Variants in TOMM40 observed in about 807,000 individuals in gnomAD.
TOMM40 encodes mitochondrial import receptor subunit TOM40 homolog.
A neutral mutation model predicts 38.4 loss-of-function variants in TOMM40; 9 were observed. That is an observed-to-expected ratio of 0.23 (90% CI 0.14 to 0.41). TOMM40 has a LOEUF of 0.41. Among genes scored for constraint, TOMM40 ranks in the 10% least tolerant of loss-of-function variants. The pLI, the probability that TOMM40 is intolerant of heterozygous loss-of-function variation, is 1.00. For missense variants in TOMM40, 299 were observed against 486.5 expected (o/e 0.61, Z 3.63); for synonymous variants, 184 against 210.0 (o/e 0.88, Z 1.07).
chr19:44,891,473 C>T lies in TOMM40; in HGVS notation c.58C>T (p.Pro20Ser). Residue 20 changes from proline to serine, a missense_variant, in exon 1 of 9, where the codon CCG (proline) becomes TCG (serine). Pro to Ser is a moderately conservative substitution (Grantham distance 74). Transcript: ENST00000426677. The stretch of plus-strand genomic sequence containing the variant: ...CGCAGGGCCGCCACCGCCGCCTGCG[C>T]CGGCCCTCGTGGGGCTGCCGCCACC... ...PPAGPPPPPA[P>S]ALVGLPPPPP... 1 of 1,313,488 alleles carries T rather than the reference C, an allele frequency of 7.6e-7. No homozygotes were observed. Among genetic ancestry groups the T allele is most frequent in the Non-Finnish European group, 9.6e-7 (1 of 1,037,140 alleles). 81.4% of individuals were successfully genotyped at this position (1,313,488 alleles called of 1,614,324 possible).
At chr19:44,894,485 C>T (rs1969529384) in intron 5 of TOMM40, among the ~76,000 whole-genome samples, 1 of 152,292 alleles carries the variant, frequency 6.6e-6, no homozygotes, top group African/African-American at 2.4e-5. Flanking sequence ...TGGTCTTGAA[C>T]TCCTGACCTC....
intron 1 of TOMM40, 91 bp downstream of exon 1, chr19:44,891,780 C>T (rs1969471775): frequency 3.9e-6 from 5 of 1,275,962 alleles, no homozygotes; most frequent in East Asian, 6.3e-5. Flanking sequence ...TGGCGCGCAC[C>T]ATTGGAATTA....
In TOMM40 at chr19:44,900,769, G is replaced by C. The variant is rs760559217; in HGVS notation, c.683G>C (p.Cys228Ser). 2.0e-5 allele frequency: 33 copies of C among 1,613,144 alleles called. No individual in the cohort carries two copies. The highest frequency in any genetic ancestry group is 2.5e-5 in the Non-Finnish European group (30 of 1,179,952). The part of the protein sequence containing the change: ...VAHYLQSITP[C>S]LALGGELVYH... ...CACTACCTCCAGAGCATCACGCCTT[G>C]CCTGGCCCTGGGTGGAGAGCTGGTC... The change falls in exon 6 of 9, where the codon TGC (cysteine) becomes TCC (serine). Residue 228 changes from cysteine to serine, a missense_variant. Transcript: ENST00000426677.
chr19:44,891,900 A>T (rs1311930031), intron 1 of TOMM40, among the ~76,000 whole-genome samples: 1 of 152,202 alleles, frequency 6.6e-6, no homozygotes, highest in Non-Finnish European at 1.5e-5. Context: ...ATAGCAGTAG[A>T]GAAAAGCCTT....
intron 5 of TOMM40, among the ~76,000 whole-genome samples, chr19:44,899,017 AG>A (rs1969625512): frequency 6.7e-6 from 1 of 149,728 alleles, no homozygotes; most frequent in Admixed American, 6.6e-5. Flanking sequence ...CTGTAGTCCC[AG>A]CTACTCGGAG....
rs574346577 is a variant in TOMM40, at chr19:44,893,991, G to A, written c.568G>A (p.Val190Met). Reference protein sequence around the residue: ...TQQSKFVNWQVDGEYRGSDFT... With the variant: ...TQQSKFVNWQMDGEYRGSDFT... ...GCAGTCGAAGTTTGTGAACTGGCAG[G>A]TGGACGGGGAGTATCGGGGCTCTGA... The change falls in exon 5 of 9, where the codon GTG becomes ATG. Residue 190 changes from valine to methionine, a missense_variant. Physicochemically the swap from Val to Met is conservative, Grantham distance 21 (BLOSUM62 1). Transcript: ENST00000426677. The A allele has an allele frequency of 1.3e-6, 2 of 1,555,962 alleles. No homozygotes were observed. The highest frequency in any genetic ancestry group is 1.2e-5 in the South Asian group (1 of 82,254).
rs775394719 is a variant in TOMM40 at position 44,891,587 on chromosome 19, C to A, written c.172C>A (p.Pro58Thr). ...TACGAGTCGAAGTTCGGAACGGACC[C>A]CCGGGGCTGCAACCGCCAGCGCCTC... The part of the protein sequence containing the change: ...TSTSRSSERT[P>T]GAATASASGA... Residue 58 changes from proline to threonine, a missense_variant, in exon 1 of 9, where the codon CCC becomes ACC. Pro to Thr is a conservative substitution (Grantham distance 38). Transcript: ENST00000426677. 1 of 1,465,382 alleles carries A rather than the reference C, an allele frequency of 6.8e-7. No individual in the cohort carries two copies. Among genetic ancestry groups the A allele is most frequent in the Non-Finnish European group, 9.0e-7 (1 of 1,111,654 alleles). The allele number at this position is 1,465,382 out of a possible 1,614,324, so 90.8% of individuals were successfully genotyped here.
chr19:44,902,873 G>A (rs1358011169), intron 8 of TOMM40, 157 bp from the exon 9 acceptor site: 13 of 874,740 alleles, frequency 1.5e-5, no homozygotes, highest in East Asian at 2.9e-5. Flanking sequence ...TTGCTCCAGC[G>A]TGAAGTTGTT....
intron 3 of TOMM40, 59 bp downstream of exon 3, chr19:44,892,988 T>A: frequency 6.9e-7 from 1 of 1,454,304 alleles, no homozygotes; most frequent in Non-Finnish European, 9.5e-7. Context: ...TGTAGCCAAA[T>A]GTCAAGCTAA....
intron 5 of TOMM40, among the ~76,000 whole-genome samples, chr19:44,899,689 C>T (rs964146995): frequency 1.3e-5 from 2 of 149,092 alleles, no homozygotes; most frequent in Non-Finnish European, 3.0e-5. Flanking sequence ...GATGGGGTCT[C>T]ACTATGTCAC....
chr19:44,901,112 G>C lies in TOMM40; in HGVS notation c.843+8G>C. 6.2e-7 allele frequency: 1 copy of C among 1,614,262 alleles called. No homozygotes were observed. Among genetic ancestry groups the C allele is most frequent in the Non-Finnish European group, 8.5e-7 (1 of 1,180,034 alleles). ...CACAAAGCCAGTGACCAGGTGAGTG[G>C]GTGCAGGGACTAGCTGGTGCTGCCA... On this transcript the variant is annotated splice_region_variant and intron_variant, in intron 7 of 8. Coordinates refer to ENST00000426677, the MANE Select transcript of TOMM40 (RefSeq NM_001128917.2).
At position 44,903,164 on chromosome 19, in the gene TOMM40, G is replaced by C. The variant is rs779580502; in HGVS notation, c.1081G>C (p.Gly361Arg). The C allele has an allele frequency of 1.2e-6, 2 of 1,609,900 alleles. No homozygotes were observed. The highest frequency in any genetic ancestry group is 1.7e-5 in the Admixed American group (1 of 59,764). Residue 361 changes from glycine to arginine, a missense_variant, in exon 9 of 9, where the codon GGC becomes CGC. By Grantham distance (125) the Gly-to-Arg change is moderately radical. Transcript: ENST00000426677. Reference protein sequence around the residue: ...KFQCGFGLTIG With the variant: ...KFQCGFGLTIR ...TCAGTGTGGCTTTGGCCTCACCATC[G>C]GCTGAGCCCTCCTGGCCCCCGCCTT...
chr19:44,895,007 C>T (rs157588), intron 5 of TOMM40, among the ~76,000 whole-genome samples: 88,426 of 152,018 alleles, frequency 0.58, 27,664 homozygotes, highest in African/African-American at 0.83. Context: ...TTGTTGAGAC[C>T]GGATGGAGGC....
intron 5 of TOMM40, among the ~76,000 whole-genome samples, chr19:44,896,817 G>A (rs1969573584): frequency 6.6e-6 from 1 of 152,186 alleles, no homozygotes; most frequent in African/African-American, 2.4e-5. Flanking sequence ...CACTTTGGGA[G>A]GCTGAGGTGG....
intron 1 of TOMM40, 77 bp from the exon 2 acceptor site, chr19:44,892,316 C>A: frequency 7.2e-7 from 1 of 1,388,856 alleles, no homozygotes; most frequent in Non-Finnish European, 1.0e-6. Flanking sequence ...CTGGAGAGAG[C>A]TGGGGGTGGT....
chr19:44,898,813 C>T (rs1416588340), intron 5 of TOMM40, among the ~76,000 whole-genome samples: 2 of 151,562 alleles, frequency 1.3e-5, no homozygotes, highest in African/African-American at 4.8e-5. Context: ...GCTGGAATTA[C>T]AGGTGTGAGC....
At chr19:44,896,209 TC>T (rs1969562823) in intron 5 of TOMM40, among the ~76,000 whole-genome samples, 1 of 151,826 alleles carries the variant, frequency 6.6e-6, no homozygotes, top group South Asian at 2.1e-4. Flanking sequence ...CAGTGCCTCT[TC>T]CTTCCCCCAG....
At chr19:44,897,789 AAAGAGAGAG>A (rs1330974017) in intron 5 of TOMM40, among the ~76,000 whole-genome samples, 2 of 147,848 alleles carry the variant, frequency 1.4e-5, no homozygotes, top group Non-Finnish European at 1.5e-5. Context: ...AAAAAAAAAA[AAAGAGAGAG>A]AGAGGGAGAG....
intron 5 of TOMM40, among the ~76,000 whole-genome samples, chr19:44,895,027 G>C (rs1310533596): frequency 6.6e-6 from 1 of 152,190 alleles, no homozygotes; most frequent in Non-Finnish European, 1.5e-5. Flanking sequence ...CGATGACTCT[G>C]TAGTTTTTGG....
Sources: allele counts gnomAD v4.1 joint callset (sites outside exome capture counted in the v4.1 genomes callset), GRCh38; gene constraint gnomAD v4.1.1; transcripts MANE v1.5; gene names NCBI Gene and HGNC (gene_info 2026-07-23, HGNC 2026-07-21).